PAPPA2: variants seen among roughly 807,000 people sequenced by gnomAD.
The protein encoded by PAPPA2 is pappalysin 2, also known as pappalysin-2.
Under a neutral mutation model 176.4 loss-of-function variants are expected in PAPPA2, and 86 were observed. The ratio of observed to expected loss-of-function variants is 0.49; its 90% CI spans 0.41 to 0.58. The LOEUF (loss-of-function observed/expected upper bound fraction) is 0.58. Ranked by LOEUF, PAPPA2 falls within the 20% of genes least tolerant of loss-of-function variation. PAPPA2 has a pLI of 0.00. For missense variants in PAPPA2, 2,073 were observed against 2,256.9 expected (o/e 0.92, Z 1.65); for synonymous variants, 809 against 852.2 (o/e 0.95, Z 0.88).
chr1:176,776,370 T>C (rs1442326200), intron 17 of PAPPA2, among the ~76,000 whole-genome samples: 1 of 152,186 alleles, frequency 6.6e-6, no homozygotes, highest in Non-Finnish European at 1.5e-5. Context: ...GGTGCTATAG[T>C]GTCAGATCTT....
chr1:176,750,476 G>A (rs1663115606), intron 14 of PAPPA2, among the ~76,000 whole-genome samples: 1 of 151,986 alleles, frequency 6.6e-6, no homozygotes, highest in African/African-American at 2.4e-5. Flanking sequence ...GTGCTGGTGG[G>A]CACTGGTAAT....
intron 17 of PAPPA2, among the ~76,000 whole-genome samples, chr1:176,780,857 G>A (rs11576118): frequency 0.011 from 1,636 of 152,164 alleles, 22 homozygotes; most frequent in Non-Finnish European, 0.018. Flanking sequence ...CTGAATTTTG[G>A]TGTAATTTCC....
chr1:176,594,469 A>G (rs933372385), intron 2 of PAPPA2, 55 bp from the exon 3 acceptor site: 30 of 1,439,626 alleles, frequency 2.1e-5, no homozygotes, highest in Middle Eastern at 1.8e-4. Context: ...CCCTTTCTCC[A>G]TTCCCCTTTG....
intron 1 of PAPPA2, among the ~76,000 whole-genome samples, chr1:176,491,066 A>G (rs1348051776): frequency 6.6e-6 from 1 of 152,206 alleles, no homozygotes; most frequent in Non-Finnish European, 1.5e-5. Flanking sequence ...AAGGAGAAAG[A>G]ATGAATCTCT....
intron 11 of PAPPA2, among the ~76,000 whole-genome samples, chr1:176,710,960 T>C (rs1389109358): frequency 1.3e-5 from 2 of 152,130 alleles, no homozygotes; most frequent in Non-Finnish European, 2.9e-5. Context: ...GCAGTTCTCC[T>C]AGGCGTGAAG....
chr1:176,636,515 T>G (rs528534348), intron 3 of PAPPA2, among the ~76,000 whole-genome samples: 1 of 152,244 alleles, frequency 6.6e-6, no homozygotes, highest in South Asian at 2.1e-4. Flanking sequence ...GATGGAAGTT[T>G]TTAGAATTAG....
At chr1:176,685,395 G>A (rs60016810) in intron 4 of PAPPA2, among the ~76,000 whole-genome samples, 1 of 152,146 alleles carries the variant, frequency 6.6e-6, no homozygotes, top group South Asian at 2.1e-4. Context: ...AGCCAAAGAA[G>A]GAGCCCTGGC....
intron 3 of PAPPA2, among the ~76,000 whole-genome samples, chr1:176,645,224 C>G (rs1269498734): frequency 6.6e-6 from 1 of 151,664 alleles, no homozygotes; most frequent in Non-Finnish European, 1.5e-5. Flanking sequence ...ACCCATTAAT[C>G]AACCTCTTTT....
In PAPPA2 at chr1:176,483,598, G is replaced by C. The variant is rs544837105; in HGVS notation, c.-917+20180G>C. 3.3e-5 allele frequency among the ~76,000 whole-genome samples: 5 copies of C among 150,336 alleles called. No homozygotes were observed. In the East Asian group the frequency reaches 1.0e-3, roughly 30 times the overall value. Reference sequence around the variant, plus strand: ...CGATTCTCCTGTCTCAGCCTCCTGAGTAGCTGGGAACACATGTGCCTGCCA... The same window carrying C: ...CGATTCTCCTGTCTCAGCCTCCTGACTAGCTGGGAACACATGTGCCTGCCA... On this transcript the variant is annotated intron_variant, in intron 1 of 22. Coordinates refer to ENST00000367662, the MANE Select transcript of PAPPA2 (RefSeq NM_020318.3).
At chr1:176,544,740 G>A (rs1224927402) in intron 1 of PAPPA2, among the ~76,000 whole-genome samples, 1 of 152,164 alleles carries the variant, frequency 6.6e-6, no homozygotes, top group Admixed American at 6.6e-5. Context: ...AATTGCAAAT[G>A]AGAGGTTACC....
intron 1 of PAPPA2, among the ~76,000 whole-genome samples, chr1:176,497,790 C>G (rs567093441): frequency 6.6e-6 from 1 of 152,128 alleles, no homozygotes; most frequent in African/African-American, 2.4e-5. Context: ...TAATACTTGC[C>G]GTTCATTATC....
At chr1:176,612,207 A>C (rs1043218149) in intron 3 of PAPPA2, among the ~76,000 whole-genome samples, 1 of 152,136 alleles carries the variant, frequency 6.6e-6, no homozygotes, top group Non-Finnish European at 1.5e-5. Flanking sequence ...CAGCCTGGCC[A>C]ATATGGTGGA....
At chr1:176,634,966 AATAGATAG>A (rs3979574) in intron 3 of PAPPA2, among the ~76,000 whole-genome samples, 7,980 of 135,102 alleles carry the variant, frequency 0.059, 480 homozygotes, top group African/African-American at 0.16. Context: ...TAGATAGATA[AATAGATAG>A]ATAGATAGAT....
At chr1:176,769,497 C>T in intron 15 of PAPPA2, 110 bp from the exon 16 acceptor site, 1 of 1,165,936 alleles carries the variant, frequency 8.6e-7, no homozygotes, top group Non-Finnish European at 1.2e-6. Flanking sequence ...AATAATTTGT[C>T]CCGTTTTAAA....
intron 1 of PAPPA2, among the ~76,000 whole-genome samples, chr1:176,516,287 T>G (rs1238372136): frequency 6.6e-6 from 1 of 152,010 alleles, no homozygotes; most frequent in African/African-American, 2.4e-5. Flanking sequence ...TTTTTTTTTT[T>G]TTGTGACAGG....
At chr1:176,799,683 T>G (rs1431349059) in intron 20 of PAPPA2, among the ~76,000 whole-genome samples, 1 of 152,204 alleles carries the variant, frequency 6.6e-6, no homozygotes, top group Non-Finnish European at 1.5e-5. Context: ...ATCTTACAAT[T>G]TCTTGTAACA....
intron 1 of PAPPA2, among the ~76,000 whole-genome samples, chr1:176,508,568 T>C (rs762770037): frequency 2.7e-5 from 4 of 150,778 alleles, no homozygotes; most frequent in Admixed American, 2.6e-4. Context: ...CAAAATGAAG[T>C]ATATATAGGA....
intron 3 of PAPPA2, among the ~76,000 whole-genome samples, chr1:176,633,438 TAA>T (rs1573164074): frequency 6.6e-6 from 1 of 152,180 alleles, no homozygotes; most frequent in Non-Finnish European, 1.5e-5. Flanking sequence ...TTGCATCTTG[TAA>T]AAATTTGAAA....
intron 4 of PAPPA2, among the ~76,000 whole-genome samples, chr1:176,681,271 A>G (rs1473771200): frequency 2.0e-5 from 3 of 152,142 alleles, no homozygotes; most frequent in Non-Finnish European, 2.9e-5. Context: ...TGCCTGCCAC[A>G]TTTCCTAATT....
Sources: gnomAD v4.1 joint callset for allele counts (sites outside exome capture counted in the v4.1 genomes callset) on GRCh38, gnomAD v4.1.1 for gene constraint, MANE v1.5 for transcripts, NCBI Gene and HGNC (gene_info 2026-07-23, HGNC 2026-07-21) for gene names.